FAM186A: variants seen among roughly 807,000 people sequenced by gnomAD.
The protein encoded by FAM186A is family with sequence similarity 186 member A.
In FAM186A, 163 loss-of-function variants were observed where a neutral mutation model predicts 216.8. The observed-to-expected ratio is 0.75, with a 90% confidence interval of 0.66 to 0.86. The LOEUF (loss-of-function observed/expected upper bound fraction) is 0.86, where lower values mean the gene tolerates loss of function less well. Among genes scored for constraint, FAM186A ranks in the 40% least tolerant of loss-of-function variants. The pLI, the probability that FAM186A is intolerant of heterozygous loss-of-function variation, is 0.00. For synonymous variants in FAM186A, 805 were observed against 1,025.3 expected (o/e 0.79, Z 4.10); for missense variants, 2,184 against 2,746.2 (o/e 0.80, Z 4.58).
chr12:50,365,232 T>C (rs758174803), intron 1 of FAM186A, among the ~76,000 whole-genome samples: 8 of 152,144 alleles, frequency 5.3e-5, no homozygotes, highest in Admixed American at 1.3e-4. Flanking sequence ...TTAGTGCCAG[T>C]ACAATAAAAC....
In FAM186A at chr12:50,351,644, A is replaced by T; in HGVS notation, c.5188T>A (p.Ser1730Thr). The part of the protein sequence containing the change: ...ASLPTGQSII[S>T]RLSPSLRLSL... ...AGCCTAAGACTTGGAGACAATCTTG[A>T]TATGATGGATTGCCCAGTGGGGAGA... Residue 1730 changes from serine (S) to threonine (T), a missense_variant, in exon 4 of 8, where the codon TCA becomes ACA. Physicochemically the swap from Ser to Thr is moderately conservative, Grantham distance 58. This residue lies in a region of FAM186A where 721 missense variants were observed against 816.4 expected (regional missense o/e 0.88). Transcript: ENST00000327337. 4 of 1,551,574 alleles carry T rather than the reference A, an allele frequency of 2.6e-6. No homozygotes were observed. Among genetic ancestry groups the T allele is most frequent in the Non-Finnish European group, 3.5e-6 (4 of 1,146,896 alleles).
At chr12:50,388,112 G>C (rs1460893932) in intron 1 of FAM186A, among the ~76,000 whole-genome samples, 1 of 152,148 alleles carries the variant, frequency 6.6e-6, no homozygotes, top group Non-Finnish European at 1.5e-5. Context: ...TAAGCAGCTT[G>C]ACCTTCAGCG....
Position 50,356,174 on chromosome 12 carries a change from G to T in FAM186A, c.658C>A (p.Pro220Thr). Residue 220 changes from proline (P) to threonine (T), a missense_variant, in exon 4 of 8, where the codon CCA becomes ACA. Physicochemically the swap from Pro to Thr is conservative, Grantham distance 38. Around this residue, in one of 7 missense-constraint regions of FAM186A, gnomAD observed 1,132 missense variants for 1,263.4 expected, o/e 0.90. Coordinates refer to ENST00000327337, the MANE Select transcript of FAM186A (RefSeq NM_001145475.3). ...KRPSTARALR[P>T]DQMISDQLAT... Reference sequence around the variant, plus strand: ...AGTTGATCACTAATCATCTGATCTGGTCTTAAAGCACGGGCTGTTGAAGGT... The same window carrying T: ...AGTTGATCACTAATCATCTGATCTGTTCTTAAAGCACGGGCTGTTGAAGGT... The T allele has an allele frequency of 6.4e-7, 1 of 1,551,432 alleles. No homozygotes were observed. Among genetic ancestry groups the T allele is most frequent in the Non-Finnish European group, 8.7e-7 (1 of 1,146,956 alleles).
intron 1 of FAM186A, among the ~76,000 whole-genome samples, chr12:50,372,573 G>A (rs747379842): frequency 2.5e-4 from 38 of 149,482 alleles, no homozygotes; most frequent in Non-Finnish European, 3.0e-4. Flanking sequence ...CAGCCCGGGC[G>A]ACAGTGTGAG....
At chr12:50,346,997 CAAAAAAA>C (rs58421325) in intron 4 of FAM186A, among the ~76,000 whole-genome samples, 19 of 131,768 alleles carry the variant, frequency 1.4e-4, no homozygotes, top group East Asian at 6.4e-4. Context: ...GACTCTGTCT[CAAAAAAA>C]AAAAAAAAAA....
chr12:50,365,045 A>AT (rs1943074849), intron 1 of FAM186A, among the ~76,000 whole-genome samples: 1 of 151,540 alleles, frequency 6.6e-6, no homozygotes, highest in Non-Finnish European at 1.5e-5. Flanking sequence ...TCTCAAAAAA[A>AT]AAAAAAAAAA....
rs1466870951 is a variant in FAM186A at position 50,362,150 on chromosome 12, T to G, written c.412+995A>C. Among the ~76,000 whole-genome samples, 5 of 151,770 alleles carry G rather than the reference T, an allele frequency of 3.3e-5. No homozygotes were observed. In the East Asian group the frequency reaches 9.8e-4, roughly 30 times the overall value. On this transcript the variant is annotated intron_variant, in intron 2 of 7. Coordinates refer to ENST00000327337, the MANE Select transcript of FAM186A (RefSeq NM_001145475.3). ...GCCACACCCAGCTAATTTTTTGTAT[T>G]TTAGTAGAGACGAGGTTTCACCGTG...
In FAM186A at chr12:50,360,789, G is replaced by A. The variant is rs1264494098; in HGVS notation, c.550C>T (p.Leu184Phe). 1.3e-6 allele frequency: 2 copies of A among 1,541,242 alleles called. No homozygotes were observed. Among genetic ancestry groups the A allele is most frequent in the East Asian group, 2.5e-5 (1 of 40,758 alleles). The change falls in exon 3 of 8, where the codon CTC becomes TTC. Residue 184 changes from leucine to phenylalanine, a missense_variant. Physicochemically the swap from Leu to Phe is conservative, Grantham distance 22 (BLOSUM62 0). Transcript: ENST00000327337. The stretch of plus-strand genomic sequence containing the variant: ...TTCTTTTGTTTCTTCTTTTCGTCGA[G>A]GAAAGATGTACTAAATCTGCTTAGT... ...KILSRFSTSF[L>F]DEKKKQKKKI...
At chr12:50,341,445 A>AT (rs1430765037) in intron 4 of FAM186A, among the ~76,000 whole-genome samples, 1 of 152,204 alleles carries the variant, frequency 6.6e-6, no homozygotes, top group Non-Finnish European at 1.5e-5. Flanking sequence ...TAAGGTTATG[A>AT]TTGTATAAAG....
chr12:50,333,269 C>T (rs984703666), intron 5 of FAM186A, among the ~76,000 whole-genome samples: 11 of 151,962 alleles, frequency 7.2e-5, no homozygotes, highest in East Asian at 1.9e-4. Context: ...TGGTGGCTCA[C>T]GCCTGTAATC....
chr12:50,355,318 TC>T lies in FAM186A; in HGVS notation c.1513del (p.Glu505LysfsTer2). 1 of 1,549,868 alleles carries T rather than the reference TC, an allele frequency of 6.5e-7. No homozygotes were observed. The highest frequency in any genetic ancestry group is 8.7e-7 in the Non-Finnish European group (1 of 1,146,430). Reference sequence around the variant, plus strand: ...TTTATCTTCAGAAAAGGATTTCATTTCTTTTCTTTTCTTTTTCAGTACTTGT... The same window carrying T: ...TTTATCTTCAGAAAAGGATTTCATTTTTTTCTTTTCTTTTTCAGTACTTGT... Reference protein sequence around the residue: ...ELQVLKKKRKEMKSFSEDKSK... With the variant: ...ELQVLKKKRKXMKSFSEDKSK... On this transcript the variant is annotated frameshift_variant, in exon 4 of 8. Coordinates refer to ENST00000327337, the MANE Select transcript of FAM186A (RefSeq NM_001145475.3). LOFTEE classifies it high-confidence loss of function.
Position 50,354,814 on chromosome 12 carries a change from T to C in FAM186A, c.2018A>G (p.Gln673Arg). ...TTTTAGGAAAGCCATTATGGCTTCC[T>C]GAAATTCTTCGAGGTTACTCTGTTC... ...KSEQSNLEEF[Q>R]EAIMAFLKQK... Residue 673 changes from glutamine (Q) to arginine (R), a missense_variant, in exon 4 of 8, where the codon CAG becomes CGG. Gln to Arg is a conservative substitution (Grantham distance 43, BLOSUM62 1). Coordinates refer to ENST00000327337, the MANE Select transcript of FAM186A (RefSeq NM_001145475.3). 1 of 1,535,348 alleles carries C rather than the reference T, an allele frequency of 6.5e-7. No homozygotes were observed. The highest frequency in any genetic ancestry group is 1.3e-5 in the South Asian group (1 of 79,804).
At position 50,353,094 on chromosome 12, in the gene FAM186A, C is replaced by T; in HGVS notation, c.3738G>A (p.Gln1246=). Residue 1246 remains glutamine, a synonymous_variant, in exon 4 of 8, where the codon CAG becomes CAA. Transcript: ENST00000327337. ...AQQLGIPLTP[Q]QAQALGITLT... ...GAGTGATTCCGAGAGCCTGCGCCTG[C>T]TGAGGGGTGAGAGGGATCCCCAATT... 6.5e-7 allele frequency: 1 copy of T among 1,536,136 alleles called. No homozygotes were observed. The highest frequency in any genetic ancestry group is 8.8e-7 in the Non-Finnish European group (1 of 1,138,724).
At chr12:50,360,225 CAG>C (rs1295350049) in intron 3 of FAM186A, among the ~76,000 whole-genome samples, 2 of 127,972 alleles carry the variant, frequency 1.6e-5, no homozygotes, top group African/African-American at 3.1e-5. Flanking sequence ...GCCTGGGTAA[CAG>C]TGTGATACCC....
At position 50,351,568 on chromosome 12, in the gene FAM186A, A is replaced by T. The variant is rs1365363869; in HGVS notation, c.5264T>A (p.Val1755Asp). Residue 1755 changes from valine (V) to aspartate (D), a missense_variant, in exon 4 of 8, where the codon GTC becomes GAC. By Grantham distance (152) the Val-to-Asp change is radical. Coordinates refer to ENST00000327337, the MANE Select transcript of FAM186A (RefSeq NM_001145475.3). ...TGATATCTGCAAAGGAGTAGAAGAGACCCCGAATATAGAGGACTTCTCAGC... is the reference window on the plus strand; with the variant it reads ...TGATATCTGCAAAGGAGTAGAAGAGTCCCCGAATATAGAGGACTTCTCAGC... Reference protein sequence around the residue: ...PTAEKSSIFGVSSTPLQISRV... With the variant: ...PTAEKSSIFGDSSTPLQISRV... 1 of 1,549,780 alleles carries T rather than the reference A, an allele frequency of 6.5e-7. No individual in the cohort carries two copies. Among genetic ancestry groups the T allele is most frequent in the Admixed American group, 2.0e-5 (1 of 50,766 alleles).
intron 4 of FAM186A, among the ~76,000 whole-genome samples, chr12:50,339,924 G>A (rs996971781): frequency 1.3e-5 from 2 of 152,068 alleles, no homozygotes; most frequent in East Asian, 1.9e-4. Flanking sequence ...TGCAACCACC[G>A]CCTCCTGGGT....
chr12:50,331,521 C>A, intron 6 of FAM186A, 149 bp downstream of exon 6: 3 of 699,124 alleles, frequency 4.3e-6, no homozygotes, highest in South Asian at 4.6e-5. Context: ...GGATTACAGG[C>A]ATGAGCCACC....
At chr12:50,360,351 G>A (rs200632044) in intron 3 of FAM186A, among the ~76,000 whole-genome samples, 1 of 150,786 alleles carries the variant, frequency 6.6e-6, no homozygotes, top group East Asian at 2.0e-4. Context: ...TCATTTAATT[G>A]TACACTTAAC....
At chr12:50,385,762 CGTG>C (rs1465561684) in intron 1 of FAM186A, among the ~76,000 whole-genome samples, 2 of 151,716 alleles carry the variant, frequency 1.3e-5, no homozygotes, top group African/African-American at 4.8e-5. Context: ...CTTAGCCAGG[CGTG>C]GTGGCAGGCG....
Sources: gnomAD v4.1 joint callset for allele counts (sites outside exome capture counted in the v4.1 genomes callset) on GRCh38, gnomAD v4.1.1 for gene constraint, gnomAD v4.1.1 regional missense constraint, MANE v1.5 for transcripts, NCBI Gene and HGNC (gene_info 2026-07-23, HGNC 2026-07-21) for gene names.